The following MTMR7 variants were observed in gnomAD, a reference collection of about 807,000 sequenced individuals.
MTMR7 encodes the protein phosphatidylinositol-3-phosphate phosphatase MTMR7.
In MTMR7, 76 loss-of-function variants were observed where a neutral mutation model predicts 81.2. The ratio of observed to expected loss-of-function variants is 0.94; its 90% CI spans 0.78 to 1.13. The LOEUF is 1.13. MTMR7 is among the 50% of genes most tolerant of loss of function. The pLI is 0.00. For missense variants in MTMR7, 1,044 were observed against 820.0 expected (o/e 1.27, Z -3.34); for synonymous variants, 372 against 289.8 (o/e 1.28, Z -2.88).
chr8:17,352,700 T>C (rs149035330), intron 4 of MTMR7, among the ~76,000 whole-genome samples: 505 of 152,302 alleles, frequency 3.3e-3, no homozygotes, highest in Non-Finnish European at 5.8e-3. Flanking sequence ...AAATTGCGTA[T>C]CTTAGGGAAA....
At chr8:17,343,421 C>G (rs1819463666) in intron 5 of MTMR7, among the ~76,000 whole-genome samples, 2 of 151,814 alleles carry the variant, frequency 1.3e-5, no homozygotes, top group African/African-American at 4.8e-5. Context: ...CAGTGAAACT[C>G]CATCTCGAAA....
chr8:17,314,664 T>A (rs1817970598), intron 7 of MTMR7, among the ~76,000 whole-genome samples: 1 of 152,078 alleles, frequency 6.6e-6, no homozygotes, highest in South Asian at 2.1e-4. Context: ...ATGACAACAG[T>A]GTTGAAGGAA....
intron 7 of MTMR7, among the ~76,000 whole-genome samples, chr8:17,316,593 T>C (rs1818086375): frequency 1.3e-5 from 2 of 152,124 alleles, no homozygotes; most frequent in Non-Finnish European, 2.9e-5. Flanking sequence ...GTTGGCCCTC[T>C]GTATTCTCGG....
At chr8:17,407,058 G>A (rs1373572621) in intron 1 of MTMR7, among the ~76,000 whole-genome samples, 1 of 152,012 alleles carries the variant, frequency 6.6e-6, no homozygotes, top group Admixed American at 6.6e-5. Flanking sequence ...ACAACTCTGT[G>A]AATATACCAA....
intron 1 of MTMR7, among the ~76,000 whole-genome samples, chr8:17,378,793 T>A (rs1363029879): frequency 6.6e-6 from 1 of 152,240 alleles, no homozygotes; most frequent in Non-Finnish European, 1.5e-5. Flanking sequence ...TGTCATTTCA[T>A]TGGCAGTGCT....
chr8:17,390,765 G>A (rs1406717818), intron 1 of MTMR7, among the ~76,000 whole-genome samples: 3 of 152,164 alleles, frequency 2.0e-5, no homozygotes, highest in African/African-American at 7.2e-5. Flanking sequence ...GAGAAGTACA[G>A]AATGAAAGGG....
intron 2 of MTMR7, 146 bp from the exon 3 acceptor site, chr8:17,371,345 C>T: frequency 1.2e-6 from 1 of 814,080 alleles, no homozygotes; most frequent in Admixed American, 3.1e-5. Flanking sequence ...ATGACAAGCA[C>T]TGAGATGTTC....
chr8:17,303,272 T>C (rs1467525219), intron 12 of MTMR7, among the ~76,000 whole-genome samples: 1 of 152,206 alleles, frequency 6.6e-6, no homozygotes, highest in African/African-American at 2.4e-5. Flanking sequence ...AAAACTTGTC[T>C]TACATGCACT....
intron 1 of MTMR7, among the ~76,000 whole-genome samples, chr8:17,398,529 A>G (rs779274320): frequency 3.9e-5 from 6 of 152,308 alleles, no homozygotes; most frequent in Non-Finnish European, 5.9e-5. Flanking sequence ...CAAAGGAGTA[A>G]AAAACAATGA....
chr8:17,376,344 A>G (rs549681793), intron 1 of MTMR7, among the ~76,000 whole-genome samples: 1 of 152,344 alleles, frequency 6.6e-6, no homozygotes, highest in South Asian at 2.1e-4. Flanking sequence ...ATCAGTTGAT[A>G]GACATTTCAG....
At chr8:17,409,677 A>T (rs1156904297) in intron 1 of MTMR7, among the ~76,000 whole-genome samples, 3 of 152,196 alleles carry the variant, frequency 2.0e-5, no homozygotes, top group Admixed American at 1.3e-4. Flanking sequence ...TAAATTTAAC[A>T]ATTGTAATGA....
chr8:17,376,603 A>C (rs1170226593), intron 1 of MTMR7, among the ~76,000 whole-genome samples: 1 of 152,146 alleles, frequency 6.6e-6, no homozygotes, highest in Non-Finnish European at 1.5e-5. Context: ...AACACTTATT[A>C]TAATCTCTTT....
chr8:17,367,283 TTAAG>T (rs1411146693), intron 3 of MTMR7, among the ~76,000 whole-genome samples: 1 of 152,116 alleles, frequency 6.6e-6, no homozygotes, highest in Non-Finnish European at 1.5e-5. Context: ...AAGAAATTAT[TTAAG>T]TGTTGAAGTA....
chr8:17,405,794 T>C (rs1023589193), intron 1 of MTMR7, among the ~76,000 whole-genome samples: 6 of 151,340 alleles, frequency 4.0e-5, no homozygotes, highest in African/African-American at 1.5e-4. Context: ...GAGAAAAATA[T>C]TTTGACATAT....
intron 3 of MTMR7, among the ~76,000 whole-genome samples, chr8:17,370,346 C>T (rs962256315): frequency 6.6e-6 from 1 of 151,790 alleles, no homozygotes; most frequent in African/African-American, 2.4e-5. Flanking sequence ...CATGGCAAAA[C>T]CCCACCTCTA....
rs141871179 is a variant in MTMR7, at chr8:17,386,491, G to T, written c.25-13251C>A. Among the ~76,000 whole-genome samples the T allele has an allele frequency of 2.0e-3, 301 of 152,330 alleles. 1 individual carries two copies. The highest frequency in any genetic ancestry group is 7.0e-3 in the African/African-American group (291 of 41,586). On this transcript the variant is annotated intron_variant, in intron 1 of 13. Transcript: ENST00000180173. ...GAGACAGAAATCTCAACCTCATATG[G>T]CTTGAGCCAAAAGGGCTTTTATTGG...
intron 7 of MTMR7, among the ~76,000 whole-genome samples, chr8:17,315,761 C>T (rs1386092686): frequency 1.3e-5 from 2 of 152,048 alleles, no homozygotes; most frequent in African/African-American, 4.8e-5. Context: ...CCTGTAATCC[C>T]AGCACTTTGA....
At chr8:17,318,852 G>T (rs535291938) in intron 7 of MTMR7, among the ~76,000 whole-genome samples, 9 of 152,296 alleles carry the variant, frequency 5.9e-5, no homozygotes, top group African/African-American at 2.2e-4. Context: ...AGCCCCTGCT[G>T]CAGGCCTTCA....
Position 17,300,379 on chromosome 8 carries a change from T to G in MTMR7, c.1621-155A>C. Reference sequence around the variant, plus strand: ...GAGTTCAAACCTGGACTTCACGACCTTGGACAAAATCTGTGAGGCCTGCTT... The same window carrying G: ...GAGTTCAAACCTGGACTTCACGACCGTGGACAAAATCTGTGAGGCCTGCTT... On this transcript the variant is annotated intron_variant, in intron 13 of 13. Coordinates refer to ENST00000180173, the MANE Select transcript of MTMR7 (RefSeq NM_004686.5). 4 of 768,728 alleles carry G rather than the reference T, an allele frequency of 5.2e-6. No homozygotes were observed. The East Asian group carries it at 1.1e-4, about 21-fold the overall frequency. 47.6% of individuals were successfully genotyped at this position (768,728 alleles called of 1,614,324 possible).
Sources: allele counts gnomAD v4.1 joint callset (sites outside exome capture counted in the v4.1 genomes callset), GRCh38; gene constraint gnomAD v4.1.1; transcripts MANE v1.5; gene names NCBI Gene and HGNC (gene_info 2026-07-23, HGNC 2026-07-21).